Variants in LPP observed in about 807,000 individuals in gnomAD.
LPP encodes lipoma-preferred partner.
Under a neutral mutation model 60.4 loss-of-function variants are expected in LPP, and 38 were observed. The ratio of observed to expected loss-of-function variants is 0.63; its 90% CI spans 0.49 to 0.83. LPP has a LOEUF of 0.83. Ranked by LOEUF, LPP falls within the 40% of genes least tolerant of loss-of-function variation. LPP has a pLI of 0.00. For synonymous variants in LPP, 328 were observed against 290.8 expected, an observed-to-expected ratio of 1.13 and a Z score of -1.30; for missense variants, 902 against 783.6, an observed-to-expected ratio of 1.15 and a Z score of -1.80.
chr3:188,761,760 G>A (rs921160888), intron 9 of LPP, among the ~76,000 whole-genome samples: 3 of 152,172 alleles, frequency 2.0e-5, no homozygotes, highest in African/African-American at 7.2e-5. Flanking sequence ...ATAAGCGAAA[G>A]TCTAGTAAAC....
At chr3:188,816,249 T>G (rs990518614) in intron 9 of LPP, among the ~76,000 whole-genome samples, 2 of 143,932 alleles carry the variant, frequency 1.4e-5, no homozygotes, top group African/African-American at 5.1e-5. Flanking sequence ...TCGCCCAGGC[T>G]GGAGTGCGGT....
At chr3:188,751,940 A>T (rs2150329408) in intron 8 of LPP, among the ~76,000 whole-genome samples, 1 of 152,330 alleles carries the variant, frequency 6.6e-6, no homozygotes, top group South Asian at 2.1e-4. Context: ...ATATTGATAA[A>T]TATAAATCTT....
intron 1 of LPP, among the ~76,000 whole-genome samples, chr3:188,192,823 G>C (rs1358083665): frequency 6.6e-6 from 1 of 152,172 alleles, no homozygotes; most frequent in Non-Finnish European, 1.5e-5. Context: ...GGAGGTGTCC[G>C]TATCCTGTTC....
chr3:188,465,806 C>T (rs1050609823), intron 4 of LPP, among the ~76,000 whole-genome samples: 2 of 151,912 alleles, frequency 1.3e-5, no homozygotes, highest in Admixed American at 6.6e-5. Context: ...GGGAATTTTC[C>T]GTCTTGGTAA....
chr3:188,199,278 C>T (rs1053231954), intron 1 of LPP, among the ~76,000 whole-genome samples: 1 of 152,020 alleles, frequency 6.6e-6, no homozygotes, highest in African/African-American at 2.4e-5. Flanking sequence ...CATCATCTCG[C>T]TATACTTTAT....
chr3:188,461,846 T>C (rs1018916973), intron 4 of LPP, among the ~76,000 whole-genome samples: 4 of 152,168 alleles, frequency 2.6e-5, no homozygotes, highest in Admixed American at 1.3e-4. Context: ...AGTTTTTATC[T>C]GTTAAAATCT....
chr3:188,877,647 AC>A lies in LPP; in HGVS notation c.*3170del. ...GATTGCCTGAGGCCAGGAGTTTGAC[AC>A]CAGCCTGGGCAACATAGTGAGACCT... is the stretch of plus-strand genomic sequence containing the variant. On this transcript the variant is annotated 3_prime_UTR_variant, in exon 12 of 12. Coordinates refer to ENST00000617246, the MANE Select transcript of LPP (RefSeq NM_001375462.1). 1 of 187,094 alleles carries A rather than the reference AC, an allele frequency of 5.3e-6. No individual in the cohort carries two copies. Among genetic ancestry groups the A allele is most frequent in the Admixed American group, 6.2e-5 (1 of 16,084 alleles). 11.6% of individuals were successfully genotyped at this position (187,094 alleles called of 1,614,324 possible). A position where few individuals can be genotyped will look rare whatever the true frequency, so the allele number is the denominator to read the frequency against.
chr3:188,453,449 A>G (rs1320116220), intron 4 of LPP, among the ~76,000 whole-genome samples: 1 of 152,054 alleles, frequency 6.6e-6, no homozygotes, highest in Non-Finnish European at 1.5e-5. Flanking sequence ...ACAATCTTGA[A>G]TGTGTTCACA....
intron 9 of LPP, among the ~76,000 whole-genome samples, chr3:188,763,191 A>C (rs1303193102): frequency 6.6e-6 from 1 of 152,140 alleles, no homozygotes; most frequent in Non-Finnish European, 1.5e-5. Context: ...CTGATGTCTA[A>C]AAGGTATTCC....
At chr3:188,506,110 A>G (rs1428372824) in intron 5 of LPP, among the ~76,000 whole-genome samples, 1 of 152,026 alleles carries the variant, frequency 6.6e-6, no homozygotes, top group Non-Finnish European at 1.5e-5. Context: ...TTTTACTCAT[A>G]CGTGTCTGAC....
intron 6 of LPP, among the ~76,000 whole-genome samples, chr3:188,581,394 T>A (rs1836062478): frequency 1.3e-5 from 2 of 152,160 alleles, no homozygotes; most frequent in African/African-American, 4.8e-5. Flanking sequence ...GGTCAGACAG[T>A]CTTTTGTATT....
At chr3:188,158,564 T>C (rs955769845) in intron 1 of LPP, among the ~76,000 whole-genome samples, 1 of 152,058 alleles carries the variant, frequency 6.6e-6, no homozygotes, top group African/African-American at 2.4e-5. Flanking sequence ...AACCACAGAG[T>C]TGAGGCTGGA....
intron 8 of LPP, chr3:188,712,341 A>G (rs1012399324): frequency 2.6e-5 from 4 of 152,306 alleles, no homozygotes; most frequent in African/African-American, 9.6e-5. Flanking sequence ...ACCCAAATGC[A>G]GAGGCTCTGC....
At chr3:188,398,461 T>C (rs1360536340) in intron 3 of LPP, among the ~76,000 whole-genome samples, 1 of 152,248 alleles carries the variant, frequency 6.6e-6, no homozygotes, top group Non-Finnish European at 1.5e-5. Flanking sequence ...GTAGCGTTGT[T>C]CTCTCGTTAC....
chr3:188,501,795 T>C (rs1280485388), intron 5 of LPP, among the ~76,000 whole-genome samples: 1 of 151,840 alleles, frequency 6.6e-6, no homozygotes, highest in East Asian at 1.9e-4. Flanking sequence ...TGGGCACCTG[T>C]AATCCCAGCT....
At chr3:188,772,629 G>A (rs917200576) in intron 9 of LPP, among the ~76,000 whole-genome samples, 2 of 152,028 alleles carry the variant, frequency 1.3e-5, no homozygotes, top group Admixed American at 6.6e-5. Context: ...CGAGTAGCTG[G>A]GACTACAGGT....
At chr3:188,825,893 G>A (rs186650396) in intron 9 of LPP, among the ~76,000 whole-genome samples, 6 of 152,220 alleles carry the variant, frequency 3.9e-5, no homozygotes, top group East Asian at 1.9e-4. Context: ...GCTGACAGAC[G>A]TAGGACACGT....
intron 6 of LPP, chr3:188,562,257 T>G (rs1019593855): frequency 6.6e-6 from 1 of 152,040 alleles, no homozygotes; most frequent in African/African-American, 2.4e-5. Context: ...CCAGCATCTT[T>G]AATTCATACA....
At chr3:188,580,114 G>A (rs562919568) in intron 6 of LPP, among the ~76,000 whole-genome samples, 23 of 151,942 alleles carry the variant, frequency 1.5e-4, no homozygotes, top group Non-Finnish European at 2.6e-4. Flanking sequence ...TAGTACTACC[G>A]TGCAATAACT....
Sources: allele counts gnomAD v4.1 joint callset (sites outside exome capture counted in the v4.1 genomes callset), GRCh38; gene constraint gnomAD v4.1.1; transcripts MANE v1.5; gene names NCBI Gene and HGNC (gene_info 2026-07-23, HGNC 2026-07-21).